The following DPYSL2 variants were observed in gnomAD, a reference collection of about 807,000 sequenced individuals.
DPYSL2 encodes dihydropyrimidinase-related protein 2.
In DPYSL2, 13 loss-of-function variants were observed where a neutral mutation model predicts 69.9. The observed-to-expected ratio is 0.19, with a 90% CI of 0.12 to 0.30. The LOEUF (loss-of-function observed/expected upper bound fraction) is 0.30. Ranked by LOEUF, DPYSL2 falls within the 10% of genes least tolerant of loss-of-function variation. The pLI is 1.00. For synonymous variants in DPYSL2, 326 were observed against 359.1 expected, an observed-to-expected ratio of 0.91 and a Z score of 1.04; for missense variants, 587 against 918.9, an observed-to-expected ratio of 0.64 and a Z score of 4.67.
At chr8:26,568,347 G>A (rs556066580) in intron 1 of DPYSL2, among the ~76,000 whole-genome samples, 79 of 152,204 alleles carry the variant, frequency 5.2e-4, no homozygotes, top group African/African-American at 1.7e-3. Context: ...TTTCTACAGC[G>A]TTGTACTACA....
Position 26,514,709 on chromosome 8 carries a change from A to T in DPYSL2, c.354+30A>T. 413 of 734,428 alleles carry T rather than the reference A, an allele frequency of 5.6e-4. No homozygotes were observed. The highest frequency in any genetic ancestry group is 6.8e-4 in the Non-Finnish European group (363 of 530,182). The allele number at this position is 734,428 out of a possible 1,614,324, so 45.5% of individuals were successfully genotyped here. ...GTGTGGGGGTTGGGGGTGGAGACGG[A>T]GGACGGGGCGCGGGGATCGCCCCTC... On this transcript the variant is annotated intron_variant, in intron 1 of 13. Transcript: ENST00000521913. This position sits in a 1 kb window ranked among gnomAD's most constrained non-coding sequence, Gnocchi z 8.4.
intron 1 of DPYSL2, chr8:26,578,588 C>G: frequency 7.6e-7 from 1 of 1,320,460 alleles, no homozygotes; most frequent in South Asian, 1.8e-5. Context: ...GCTGCAGCGT[C>G]GGCCCGCGGG....
intron 1 of DPYSL2, among the ~76,000 whole-genome samples, chr8:26,573,244 A>G (rs540619455): frequency 9.2e-5 from 14 of 152,176 alleles, no homozygotes; most frequent in Non-Finnish European, 1.8e-4. Context: ...GATATTCCTG[A>G]CTGGGTGTGG....
At chr8:26,558,120 T>C (rs1801019263) in intron 1 of DPYSL2, among the ~76,000 whole-genome samples, 1 of 152,090 alleles carries the variant, frequency 6.6e-6, no homozygotes, top group Non-Finnish European at 1.5e-5. Context: ...GAAAACTTAT[T>C]TCTAACAAAA....
intron 3 of DPYSL2, among the ~76,000 whole-genome samples, chr8:26,584,478 C>A (rs573074233): frequency 2.0e-5 from 3 of 152,116 alleles, no homozygotes; most frequent in African/African-American, 7.2e-5. Flanking sequence ...ACGATACTCT[C>A]TAGGCTGAGT....
Position 26,607,181 on chromosome 8 carries a change from A to G in DPYSL2, c.629-16962A>G, listed in dbSNP as rs139937852. On this transcript the variant is annotated intron_variant, in intron 3 of 13. Coordinates refer to ENST00000521913, the MANE Select transcript of DPYSL2 (RefSeq NM_001197293.3). The stretch of plus-strand genomic sequence containing the variant: ...GGCCATCCCTAGAAAATAGTAGTAT[A>G]TAGTCATTAAAATTTATTTTGGGGG... Among the ~76,000 whole-genome samples the G allele has an allele frequency of 1.7e-3, 257 of 152,316 alleles. 1 individual carries two copies. Among genetic ancestry groups the G allele is most frequent in the African/African-American group, 5.6e-3 (234 of 41,572 alleles).
chr8:26,532,648 TTCTC>T (rs1800529973), intron 1 of DPYSL2, among the ~76,000 whole-genome samples: 1 of 152,208 alleles, frequency 6.6e-6, no homozygotes, highest in South Asian at 2.1e-4. Flanking sequence ...ACTGGCTTCT[TTCTC>T]TCAGCACAAT....
chr8:26,652,241 T>C lies in DPYSL2; in HGVS notation c.1597-16T>C. 6.2e-7 allele frequency: 1 copy of C among 1,607,640 alleles called. No individual in the cohort carries two copies. The highest frequency in any genetic ancestry group is 8.5e-7 in the Non-Finnish European group (1 of 1,176,338). The stretch of plus-strand genomic sequence containing the variant: ...CAGAGTGGCCTGTTCTAGAGTTTAC[T>C]TTGCCTTCTTCTCAGTCTCTCGAGT... On this transcript the variant is annotated splice_polypyrimidine_tract_variant and intron_variant, in intron 11 of 13. Coordinates refer to ENST00000521913, the MANE Select transcript of DPYSL2 (RefSeq NM_001197293.3). The surrounding 1 kb of genome is among the most constrained non-coding windows in gnomAD (Gnocchi z 6.3).
In DPYSL2 at chr8:26,565,606, T is replaced by C. The variant is rs1335185411; in HGVS notation, c.355-16363T>C. On this transcript the variant is annotated intron_variant, in intron 1 of 13. Coordinates refer to ENST00000521913, the MANE Select transcript of DPYSL2 (RefSeq NM_001197293.3). This position sits in a 1 kb window ranked among gnomAD's most constrained non-coding sequence, Gnocchi z 4.1. ...GGTATGTGTGTATTTCACACAAATT[T>C]TAAATTCAAACAGGATTAAGTTAGG... 6.6e-6 allele frequency among the ~76,000 whole-genome samples: 1 copy of C among 152,180 alleles called. No individual in the cohort carries two copies. The highest frequency in any genetic ancestry group is 1.9e-4 in the East Asian group (1 of 5,194).
rs937410194 is a variant in DPYSL2 at position 26,514,806 on chromosome 8, A to C, written c.354+127A>C. On this transcript the variant is annotated intron_variant, in intron 1 of 13. Transcript: ENST00000521913. The surrounding 1 kb of genome is among the most constrained non-coding windows in gnomAD (Gnocchi z 8.4). ...CCTCGCCTCCCGCATCTGCACGCGC[A>C]CCCCGCCCTACCCGCCCCTTCTCCG... The C allele has an allele frequency of 1.2e-6, 1 of 828,032 alleles. No individual in the cohort carries two copies. The highest frequency in any genetic ancestry group is 1.7e-6 in the Non-Finnish European group (1 of 585,576). 51.3% of individuals were successfully genotyped at this position (828,032 alleles called of 1,614,324 possible).
rs1314618005 is a variant in DPYSL2 at position 26,571,503 on chromosome 8, A to G, written c.355-10466A>G. Among the ~76,000 whole-genome samples, 2 of 152,142 alleles carry G rather than the reference A, an allele frequency of 1.3e-5. No homozygotes were observed. Among genetic ancestry groups the G allele is most frequent in the Admixed American group, 1.3e-4 (2 of 15,278 alleles). ...AAGACCCCAGGGAACATCTGTAGCC[A>G]CCCAGAGAATGAGGTGCAGGGTGGG... On this transcript the variant is annotated intron_variant, in intron 1 of 13. Transcript: ENST00000521913. The surrounding 1 kb of genome is among the most constrained non-coding windows in gnomAD (Gnocchi z 6.1).
intron 1 of DPYSL2, among the ~76,000 whole-genome samples, chr8:26,574,078 A>T (rs879858839): frequency 9.9e-5 from 15 of 152,178 alleles, no homozygotes; most frequent in Non-Finnish European, 2.1e-4. Flanking sequence ...GATGGAAGAA[A>T]TGTGCAAGTC....
intron 8 of DPYSL2, among the ~76,000 whole-genome samples, chr8:26,636,466 T>C (rs1802918654): frequency 6.6e-6 from 1 of 152,246 alleles, no homozygotes; most frequent in Non-Finnish European, 1.5e-5. Flanking sequence ...TGAGTTAGGC[T>C]AACATTTCAA....
rs977844277 is a variant in DPYSL2 at position 26,517,291 on chromosome 8, T to C, written c.354+2612T>C. 6.6e-6 allele frequency among the ~76,000 whole-genome samples: 1 copy of C among 152,190 alleles called. No individual in the cohort carries two copies. ...CATGGAAGATGAGAGATGTTGGACA[T>C]GTGCATTTGCAGGAACTAAATGAAA... On this transcript the variant is annotated intron_variant, in intron 1 of 13. Coordinates refer to ENST00000521913, the MANE Select transcript of DPYSL2 (RefSeq NM_001197293.3). The surrounding 1 kb of genome is among the most constrained non-coding windows in gnomAD (Gnocchi z 4.2).
chr8:26,559,578 A>G (rs1801041700), intron 1 of DPYSL2, among the ~76,000 whole-genome samples: 2 of 152,034 alleles, frequency 1.3e-5, no homozygotes, highest in Non-Finnish European at 1.5e-5. Context: ...TGAGCATTTA[A>G]TTTCTTTTTT....
At position 26,579,199 on chromosome 8, in the gene DPYSL2, C is replaced by T. The variant is rs569166176; in HGVS notation, c.355-2770C>T. On this transcript the variant is annotated intron_variant, in intron 1 of 13. Coordinates refer to ENST00000521913, the MANE Select transcript of DPYSL2 (RefSeq NM_001197293.3). ...CAATGATCGCGGCGGCCGGAGGGCT[C>T]GGCGCAGTGCTGGGGCCTGGACTTG... 2.0e-5 allele frequency among the ~76,000 whole-genome samples: 3 copies of T among 152,346 alleles called. No individual in the cohort carries two copies. In the South Asian group the frequency reaches 6.2e-4, roughly 32 times the overall value.
intron 3 of DPYSL2, among the ~76,000 whole-genome samples, chr8:26,615,978 T>C (rs1424607435): frequency 6.6e-6 from 1 of 152,144 alleles, no homozygotes; most frequent in East Asian, 1.9e-4. Flanking sequence ...TTCCTGGGGG[T>C]GTTTATCAAA....
chr8:26,620,228 G>T lies in DPYSL2; in HGVS notation c.629-3915G>T, dbSNP rs1442114518. On this transcript the variant is annotated intron_variant, in intron 3 of 13. Coordinates refer to ENST00000521913, the MANE Select transcript of DPYSL2 (RefSeq NM_001197293.3). This position sits in a 1 kb window ranked among gnomAD's most constrained non-coding sequence, Gnocchi z 4.5. ...GTGCCTTGGCCTAAGGAGAAGGGAAGAAAATCTTGTGGAGGAAATGAGCTT... is the reference window on the plus strand; with the variant it reads ...GTGCCTTGGCCTAAGGAGAAGGGAATAAAATCTTGTGGAGGAAATGAGCTT... Among the ~76,000 whole-genome samples, 1 of 152,124 alleles carries T rather than the reference G, an allele frequency of 6.6e-6. No homozygotes were observed. The highest frequency in any genetic ancestry group is 2.4e-5 in the African/African-American group (1 of 41,424).
rs369812403 is a variant in DPYSL2, at chr8:26,542,487, T to C, written c.354+27808T>C. Among the ~76,000 whole-genome samples the C allele has an allele frequency of 4.0e-4, 61 of 152,176 alleles. 1 individual carries two copies. Among genetic ancestry groups the C allele is most frequent in the African/African-American group, 1.1e-3 (47 of 41,500 alleles). ...CCCAGGCTGGAGTGTAGTGGCATGATCATAGGTCACTGGAACCTCAACCTC... is the reference window on the plus strand; with the variant it reads ...CCCAGGCTGGAGTGTAGTGGCATGACCATAGGTCACTGGAACCTCAACCTC... On this transcript the variant is annotated intron_variant, in intron 1 of 13. Coordinates refer to ENST00000521913, the MANE Select transcript of DPYSL2 (RefSeq NM_001197293.3).
Sources: gnomAD v4.1 joint callset for allele counts (sites outside exome capture counted in the v4.1 genomes callset) on GRCh38, gnomAD v4.1.1 for gene constraint, Gnocchi (gnomAD v3.1) non-coding constraint, MANE v1.5 for transcripts, NCBI Gene and HGNC (gene_info 2026-07-23, HGNC 2026-07-21) for gene names.